AGPS: variants seen among roughly 807,000 people sequenced by gnomAD.
AGPS encodes alkylglycerone phosphate synthase.
Under a neutral mutation model 90.7 loss-of-function variants are expected in AGPS, and 26 were observed. The ratio of observed to expected loss-of-function variants is 0.29; its 90% CI spans 0.21 to 0.40. The LOEUF (loss-of-function observed/expected upper bound fraction) is 0.40. Ranked by LOEUF, AGPS falls within the 10% of genes least tolerant of loss-of-function variation. The probability of loss-of-function intolerance (pLI) is 1.00; values close to 1 mark genes in which losing one functional copy is unlikely to be tolerated. For missense variants in AGPS, 540 were observed against 816.1 expected (o/e 0.66, Z 4.12); for synonymous variants, 294 against 285.3 (o/e 1.03, Z -0.31).
At chr2:177,512,637 T>C (rs1004371669) in intron 16 of AGPS, among the ~76,000 whole-genome samples, 23 of 152,180 alleles carry the variant, frequency 1.5e-4, no homozygotes, top group Admixed American at 5.9e-4. Flanking sequence ...TCATTTCAAG[T>C]CTCATGATGC....
At chr2:177,514,340 G>A (rs1358214794) in intron 17 of AGPS, among the ~76,000 whole-genome samples, 2 of 152,128 alleles carry the variant, frequency 1.3e-5, no homozygotes, top group Admixed American at 6.5e-5. Flanking sequence ...CAGTAAAATA[G>A]TGGTAATGCC....
chr2:177,512,009 A>C (rs935212684), intron 16 of AGPS, among the ~76,000 whole-genome samples: 35 of 152,210 alleles, frequency 2.3e-4, no homozygotes, highest in African/African-American at 7.5e-4. Context: ...GGACTGTAAC[A>C]GCAGATGATT....
intron 8 of AGPS, among the ~76,000 whole-genome samples, chr2:177,458,477 G>A (rs60822572): frequency 0.029 from 4,364 of 152,288 alleles, 81 homozygotes; most frequent in East Asian, 0.079. Context: ...AAGCTGATAA[G>A]CAACTTCCAC....
At chr2:177,469,261 C>T (rs941975490) in intron 10 of AGPS, among the ~76,000 whole-genome samples, 1 of 151,996 alleles carries the variant, frequency 6.6e-6, no homozygotes, top group Non-Finnish European at 1.5e-5. Context: ...AACAGAGGAG[C>T]TCATTATTCA....
At chr2:177,470,411 A>G (rs567587368) in intron 10 of AGPS, among the ~76,000 whole-genome samples, 28 of 152,320 alleles carry the variant, frequency 1.8e-4, no homozygotes, top group African/African-American at 5.8e-4. Flanking sequence ...GCAAAGAACT[A>G]TAAGAGATTG....
chr2:177,407,852 T>G (rs1685509264), intron 1 of AGPS, among the ~76,000 whole-genome samples: 1 of 148,350 alleles, frequency 6.7e-6, no homozygotes. Context: ...CAGGTTGGAG[T>G]GTAGTGGTGT....
intron 8 of AGPS, among the ~76,000 whole-genome samples, chr2:177,461,650 A>G (rs1687295202): frequency 6.6e-6 from 1 of 152,220 alleles, no homozygotes; most frequent in Non-Finnish European, 1.5e-5. Flanking sequence ...CAACCTGTGA[A>G]AAATAGAACT....
chr2:177,508,854 C>G (rs1225414112), intron 16 of AGPS, among the ~76,000 whole-genome samples: 1 of 152,158 alleles, frequency 6.6e-6, no homozygotes, highest in African/African-American at 2.4e-5. Flanking sequence ...CTGGAAATCA[C>G]TGCAGCATTT....
intron 5 of AGPS, 95 bp downstream of exon 5, chr2:177,437,149 A>T (rs1351240734): frequency 1.7e-5 from 20 of 1,165,754 alleles, no homozygotes; most frequent in Middle Eastern, 5.1e-4. Flanking sequence ...TATGAGTTGT[A>T]AAAAATATAA....
At chr2:177,431,126 A>G (rs990555115) in intron 2 of AGPS, among the ~76,000 whole-genome samples, 4 of 152,152 alleles carry the variant, frequency 2.6e-5, no homozygotes, top group Non-Finnish European at 5.9e-5. Flanking sequence ...AATAAACAGA[A>G]AGAGTACAAA....
In AGPS at chr2:177,523,891, G is replaced by C. The variant is rs1559083826; in HGVS notation, c.1855+86G>C. 3.6e-6 allele frequency: 4 copies of C among 1,120,398 alleles called. No homozygotes were observed. In the East Asian group the frequency reaches 9.7e-5, roughly 27 times the overall value. 69.4% of individuals were successfully genotyped at this position (1,120,398 alleles called of 1,614,324 possible). A position where few individuals can be genotyped will look rare whatever the true frequency, so the allele number is the denominator to read the frequency against. On this transcript the variant is annotated intron_variant, in intron 19 of 19. Coordinates refer to ENST00000264167, the MANE Select transcript of AGPS (RefSeq NM_003659.4). Reference sequence around the variant, plus strand: ...AAAATGCTAGGGAGAGACATGGTATGAATAATATGAGAGTACTTGAGGTTT... The same window carrying C: ...AAAATGCTAGGGAGAGACATGGTATCAATAATATGAGAGTACTTGAGGTTT...
chr2:177,499,134 T>C (rs1179506976), intron 13 of AGPS, among the ~76,000 whole-genome samples: 2 of 151,880 alleles, frequency 1.3e-5, no homozygotes, highest in African/African-American at 2.4e-5. Flanking sequence ...TGTTTCCTAA[T>C]ATATTTCTTT....
At chr2:177,432,465 C>G (rs1686271579) in intron 2 of AGPS, among the ~76,000 whole-genome samples, 1 of 152,178 alleles carries the variant, frequency 6.6e-6, no homozygotes, top group South Asian at 2.1e-4. Flanking sequence ...TTAAATGTTG[C>G]TGTAGCTTTG....
chr2:177,433,362 A>G (rs1346001199), intron 2 of AGPS, among the ~76,000 whole-genome samples: 3 of 152,220 alleles, frequency 2.0e-5, no homozygotes, highest in Non-Finnish European at 4.4e-5. Context: ...CTCAGATTCA[A>G]TTATAGAATT....
chr2:177,441,883 A>G (rs536015613), intron 6 of AGPS, among the ~76,000 whole-genome samples: 37 of 152,382 alleles, frequency 2.4e-4, no homozygotes, highest in African/African-American at 8.9e-4. Context: ...ACCAAAGAAC[A>G]TATAAATGTT....
chr2:177,516,833 C>T (rs1689034967), intron 17 of AGPS, among the ~76,000 whole-genome samples: 1 of 152,020 alleles, frequency 6.6e-6, no homozygotes, highest in Non-Finnish European at 1.5e-5. Flanking sequence ...TTTGGTTATT[C>T]CTAATGATAG....
At chr2:177,488,091 A>G (rs1688147497) in intron 11 of AGPS, among the ~76,000 whole-genome samples, 1 of 152,182 alleles carries the variant, frequency 6.6e-6, no homozygotes, top group Non-Finnish European at 1.5e-5. Flanking sequence ...TAAATAGTCT[A>G]TCATTTCATC....
rs1419727468 is a variant in AGPS, at chr2:177,540,868, T to TAA, written c.*2674_*2675insAA. The TAA allele has an allele frequency of 6.6e-6, 1 of 152,082 alleles. No individual in the cohort carries two copies. Among genetic ancestry groups the TAA allele is most frequent in the Non-Finnish European group, 1.5e-5 (1 of 67,960 alleles). The allele number at this position is 152,082 out of a possible 1,614,324, so 9.4% of individuals were successfully genotyped here. A position where few individuals can be genotyped will look rare whatever the true frequency, so the allele number is the denominator to read the frequency against. On this transcript the variant is annotated 3_prime_UTR_variant, in exon 20 of 20. Coordinates refer to ENST00000264167, the MANE Select transcript of AGPS (RefSeq NM_003659.4). ...AAAGACTCAATATGAACAGGCTTTA[T>TAA]AGACCCTTAGAGAAACTGTTGCCTT... is the stretch of plus-strand genomic sequence containing the variant.
rs1263882274 is a variant in AGPS, at chr2:177,420,298, G to A, written c.290G>A (p.Gly97Glu). 2 of 1,610,026 alleles carry A rather than the reference G, an allele frequency of 1.2e-6. No individual in the cohort carries two copies. Among genetic ancestry groups the A allele is most frequent in the Non-Finnish European group, 8.5e-7 (1 of 1,176,924 alleles). ...GAAGTTATGAAATGGAATGGATGGG[G>A]ATATAATGATTCTAAATTCATCTTC... ...RQEVMKWNGW[G>E]YNDSKFIFNK... The change falls in exon 2 of 20, where the codon GGA (glycine) becomes GAA (glutamate). Residue 97 changes from glycine (G) to glutamate (E), a missense_variant. By Grantham distance (98) the Gly-to-Glu change is moderately conservative. Transcript: ENST00000264167.
Sources: allele counts gnomAD v4.1 joint callset (sites outside exome capture counted in the v4.1 genomes callset), GRCh38; gene constraint gnomAD v4.1.1; transcripts MANE v1.5; gene names NCBI Gene and HGNC (gene_info 2026-07-23, HGNC 2026-07-21).